The following MBD5 variants were observed in gnomAD, a reference collection of about 807,000 sequenced individuals.
MBD5 encodes the protein methyl-CpG-binding domain protein 5.
Under a neutral mutation model 117.3 loss-of-function variants are expected in MBD5, and 13 were observed. That is an observed-to-expected ratio of 0.11 (90% confidence interval 0.07 to 0.18). MBD5 has a LOEUF of 0.18. MBD5 is among the 10% of genes least tolerant of loss of function. The probability of loss-of-function intolerance (pLI) is 1.00; values close to 1 mark genes in which losing one functional copy is unlikely to be tolerated. For synonymous variants in MBD5, 727 were observed against 766.4 expected (o/e 0.95, Z 0.85); for missense variants, 1,879 against 2,093.8 (o/e 0.90, Z 2.00).
intron 1 of MBD5, among the ~76,000 whole-genome samples, chr2:148,067,289 T>C (rs2105047135): frequency 6.6e-6 from 1 of 152,356 alleles, no homozygotes; most frequent in South Asian, 2.1e-4. Flanking sequence ...AGAACCATTT[T>C]GAACTCCAAT....
At chr2:148,323,872 T>G (rs1702361939) in intron 3 of MBD5, among the ~76,000 whole-genome samples, 1 of 152,192 alleles carries the variant, frequency 6.6e-6, no homozygotes. Flanking sequence ...CAATTTTGGC[T>G]TTTGTTGCCA....
In MBD5 at chr2:148,409,442, G is replaced by A. The variant is rs915445056; in HGVS notation, c.-556-48761G>A. On this transcript the variant is annotated intron_variant, in intron 4 of 13. Transcript: ENST00000642680. The stretch of plus-strand genomic sequence containing the variant: ...GGGAGAGAGAGAGAGAAAGGAAAAG[G>A]GAAGGAGGGAGGGAAGAAGGGAGGG... Among the ~76,000 whole-genome samples the A allele has an allele frequency of 2.5e-4, 38 of 151,498 alleles. 1 individual carries two copies. The highest frequency in any genetic ancestry group is 1.5e-5 in the Non-Finnish European group (1 of 67,794).
intron 1 of MBD5, among the ~76,000 whole-genome samples, chr2:148,070,285 T>C (rs1308821999): frequency 6.6e-6 from 1 of 152,236 alleles, no homozygotes; most frequent in African/African-American, 2.4e-5. Context: ...CAGGATTTCA[T>C]TCTTTTTTAT....
chr2:148,277,248 GTAA>G (rs1701137150), intron 3 of MBD5, among the ~76,000 whole-genome samples: 1 of 152,126 alleles, frequency 6.6e-6, no homozygotes, highest in Non-Finnish European at 1.5e-5. Context: ...TAATATTTGG[GTAA>G]TAGGGGAAAC....
At chr2:148,315,258 G>A (rs1033373386) in intron 3 of MBD5, among the ~76,000 whole-genome samples, 1 of 151,994 alleles carries the variant, frequency 6.6e-6, no homozygotes, top group African/African-American at 2.4e-5. Flanking sequence ...CCCTCTTACG[G>A]TCCCACATAT....
intron 3 of MBD5, among the ~76,000 whole-genome samples, chr2:148,266,684 C>T (rs139904725): frequency 1.3e-5 from 2 of 152,116 alleles, no homozygotes; most frequent in East Asian, 1.9e-4. Flanking sequence ...AATAACTCCC[C>T]TATCAATAAT....
At chr2:148,206,123 CAA>C (rs758698506) in intron 2 of MBD5, among the ~76,000 whole-genome samples, 14 of 108,384 alleles carry the variant, frequency 1.3e-4, no homozygotes, top group Admixed American at 1.9e-4. Flanking sequence ...GACCCTGTCT[CAA>C]AAAAAAAAAA....
At chr2:148,366,806 C>A (rs1456337184) in intron 4 of MBD5, among the ~76,000 whole-genome samples, 1 of 152,098 alleles carries the variant, frequency 6.6e-6, no homozygotes, top group African/African-American at 2.4e-5. Context: ...AACTACAGAC[C>A]ACTGCTGAAG....
chr2:148,154,365 G>A (rs890365324), intron 1 of MBD5, among the ~76,000 whole-genome samples: 2 of 151,754 alleles, frequency 1.3e-5, no homozygotes, highest in African/African-American at 2.4e-5. Context: ...TAAGTCTGCA[G>A]AGGTTACTGC....
chr2:148,208,174 A>G (rs772802717), intron 2 of MBD5, among the ~76,000 whole-genome samples: 8 of 152,178 alleles, frequency 5.3e-5, no homozygotes, highest in African/African-American at 1.2e-4. Context: ...ATATTATTCA[A>G]TCTAGAAAAC....
intron 1 of MBD5, chr2:148,055,928 C>T (rs1694849998): frequency 1.3e-5 from 2 of 152,118 alleles, no homozygotes; most frequent in African/African-American, 4.8e-5. Flanking sequence ...TCACATAGTA[C>T]TCTGTTAGAA....
At chr2:148,077,969 T>A (rs934164573) in intron 1 of MBD5, among the ~76,000 whole-genome samples, 1 of 152,120 alleles carries the variant, frequency 6.6e-6, no homozygotes. Context: ...ACTTAAGGTG[T>A]AAGGGGTTCT....
chr2:148,499,054 A>G (rs1015778494), intron 11 of MBD5, among the ~76,000 whole-genome samples: 1 of 152,148 alleles, frequency 6.6e-6, no homozygotes, highest in Non-Finnish European at 1.5e-5. Flanking sequence ...GCACTTTTGG[A>G]GGCTACGGCA....
intron 4 of MBD5, among the ~76,000 whole-genome samples, chr2:148,385,042 CAT>C (rs767889100): frequency 5.6e-4 from 86 of 152,296 alleles, no homozygotes; most frequent in Non-Finnish European, 9.1e-4. Context: ...CCATTCAGGA[CAT>C]AGACATGGGC....
intron 2 of MBD5, among the ~76,000 whole-genome samples, chr2:148,207,633 G>A (rs561541525): frequency 7.9e-5 from 12 of 151,416 alleles, no homozygotes; most frequent in South Asian, 6.3e-4. Context: ...ACCCACTGGC[G>A]TGACTATTAT....
intron 1 of MBD5, among the ~76,000 whole-genome samples, chr2:148,148,400 T>C (rs1697529513): frequency 6.6e-6 from 1 of 152,158 alleles, no homozygotes; most frequent in Non-Finnish European, 1.5e-5. Flanking sequence ...TTAGTGCAAA[T>C]TAAAATGCCA....
chr2:148,187,560 A>G (rs1347230876), intron 2 of MBD5, among the ~76,000 whole-genome samples: 1 of 152,212 alleles, frequency 6.6e-6, no homozygotes, highest in African/African-American at 2.4e-5. Flanking sequence ...AAGTAAATGA[A>G]GAAAAAGGCA....
At chr2:148,098,222 T>G (rs974605934) in intron 1 of MBD5, among the ~76,000 whole-genome samples, 7 of 152,132 alleles carry the variant, frequency 4.6e-5, no homozygotes, top group Non-Finnish European at 7.4e-5. Flanking sequence ...GGTGGTGGCC[T>G]GTATAAGGAA....
chr2:148,492,446 GAATTT>G (rs995202017), intron 11 of MBD5, among the ~76,000 whole-genome samples: 3 of 151,816 alleles, frequency 2.0e-5, no homozygotes, highest in Admixed American at 1.3e-4. Flanking sequence ...GTAATTCAGA[GAATTT>G]AATTTAAAGC....
Sources: allele counts gnomAD v4.1 joint callset (sites outside exome capture counted in the v4.1 genomes callset), GRCh38; gene constraint gnomAD v4.1.1; transcripts MANE v1.5; gene names NCBI Gene and HGNC (gene_info 2026-07-23, HGNC 2026-07-21).